The following TMTC3 variants were observed in gnomAD, a reference collection of about 807,000 sequenced individuals.
TMTC3 encodes the protein transmembrane O-mannosyltransferase targeting cadherins 3, also known as protein O-mannosyl-transferase TMTC3.
TMTC3 carries 52 observed loss-of-function variants against 92.2 expected under a neutral mutation model. The ratio of observed to expected loss-of-function variants is 0.56; its 90% CI spans 0.45 to 0.71. The LOEUF is 0.71. Among genes scored for constraint, TMTC3 ranks in the 30% least tolerant of loss-of-function variants. The pLI, the probability that TMTC3 is intolerant of heterozygous loss-of-function variation, is 0.00. For synonymous variants in TMTC3, 339 were observed against 363.3 expected (o/e 0.93, Z 0.76); for missense variants, 896 against 1,057.1 (o/e 0.85, Z 2.11).
chr12:88,194,948 A>G lies in TMTC3; in HGVS notation c.2044A>G (p.Lys682Glu), dbSNP rs2041491604. The change falls in exon 14 of 14, where the codon AAA (lysine) becomes GAA (glutamate). Residue 682 changes from lysine to glutamate, a missense_variant. Lys to Glu is a moderately conservative substitution (Grantham distance 56). Transcript: ENST00000266712. ...TTTGGGAATGCTTGCCATGGATGAC[A>G]AAAAGGACAATGAAGCAGAGATTTG... is the stretch of plus-strand genomic sequence containing the variant. Reference protein sequence around the residue: ...FNLGMLAMDDKKDNEAEIWMK... With the variant: ...FNLGMLAMDDEKDNEAEIWMK... The G allele has an allele frequency of 6.2e-7, 1 of 1,613,828 alleles. No homozygotes were observed. Among genetic ancestry groups the G allele is most frequent in the Non-Finnish European group, 8.5e-7 (1 of 1,179,888 alleles).
intron 10 of TMTC3, among the ~76,000 whole-genome samples, chr12:88,181,481 C>G (rs1296077672): frequency 6.6e-6 from 1 of 151,870 alleles, no homozygotes; most frequent in Admixed American, 6.6e-5. Context: ...AAAATTGATG[C>G]AATTGGGTGG....
intron 10 of TMTC3, among the ~76,000 whole-genome samples, chr12:88,183,950 C>T (rs1310183915): frequency 6.6e-6 from 1 of 152,126 alleles, no homozygotes; most frequent in African/African-American, 2.4e-5. Flanking sequence ...AAGCGGGCAC[C>T]AATGACTTAC....
At chr12:88,189,883 C>G (rs1786595292) in intron 11 of TMTC3, among the ~76,000 whole-genome samples, 1 of 151,854 alleles carries the variant, frequency 6.6e-6, no homozygotes, top group African/African-American at 2.4e-5. Flanking sequence ...AAACCAATAA[C>G]AAATACAATT....
chr12:88,153,709 A>T lies in TMTC3; in HGVS notation c.408+200A>T, dbSNP rs139855073. Among the ~76,000 whole-genome samples, 831 of 152,166 alleles carry T rather than the reference A, an allele frequency of 5.5e-3. 14 individuals carry two copies. The highest frequency in any genetic ancestry group is 0.019 in the African/African-American group (777 of 41,532). On this transcript the variant is annotated intron_variant, in intron 3 of 13. Coordinates refer to ENST00000266712, the MANE Select transcript of TMTC3 (RefSeq NM_181783.4). ...TAACTTCCTACTGTGTAAAATTTTT[A>T]AATTTAACATTTTTGAAACATAAAC...
chr12:88,186,805 T>G (rs1240079077), intron 10 of TMTC3, among the ~76,000 whole-genome samples: 4 of 152,184 alleles, frequency 2.6e-5, no homozygotes, highest in Non-Finnish European at 4.4e-5. Flanking sequence ...GTGGCCTTTT[T>G]GATGCTAAAC....
intron 10 of TMTC3, among the ~76,000 whole-genome samples, chr12:88,182,934 C>G (rs1466321460): frequency 6.6e-6 from 1 of 152,102 alleles, no homozygotes; most frequent in Non-Finnish European, 1.5e-5. Flanking sequence ...TGACTACAGG[C>G]CAATCTTGAG....
chr12:88,183,688 C>G (rs762016166), intron 10 of TMTC3, among the ~76,000 whole-genome samples: 4 of 152,072 alleles, frequency 2.6e-5, no homozygotes, highest in Non-Finnish European at 4.4e-5. Context: ...GACCTGATAT[C>G]CTTGGGCATG....
At position 88,166,357 on chromosome 12, in the gene TMTC3, A is replaced by G. The variant is rs139775413; in HGVS notation, c.825A>G (p.Pro275=). 314 of 1,613,930 alleles carry G rather than the reference A, an allele frequency of 1.9e-4. No homozygotes were observed. The highest frequency in any genetic ancestry group is 2.5e-4 in the Non-Finnish European group (297 of 1,179,910). The change falls in exon 7 of 14, where the codon CCA becomes CCG. Residue 275 remains proline, a synonymous_variant. Transcript: ENST00000266712. ...TRFDNPAAVS[P]TPTRQLTFNY... is the part of the protein sequence containing the mutation. ...TTGATAACCCAGCTGCTGTAAGCCC[A>G]ACTCCTACAAGGCAACTAACTTTTA...
intron 13 of TMTC3, among the ~76,000 whole-genome samples, chr12:88,193,993 G>C (rs2041474507): frequency 6.6e-6 from 1 of 152,040 alleles, no homozygotes; most frequent in Non-Finnish European, 1.5e-5. Flanking sequence ...GGCCAGGGTG[G>C]GGAGGATCAC....
At chr12:88,156,592 T>C (rs1288921894) in intron 4 of TMTC3, among the ~76,000 whole-genome samples, 1 of 152,144 alleles carries the variant, frequency 6.6e-6, no homozygotes, top group Admixed American at 6.5e-5. Flanking sequence ...AGTGCTCTGC[T>C]TTTACCTCTG....
chr12:88,182,276 A>C (rs1347939595), intron 10 of TMTC3, among the ~76,000 whole-genome samples: 1 of 152,180 alleles, frequency 6.6e-6, no homozygotes, highest in Non-Finnish European at 1.5e-5. Context: ...AATTGAACTG[A>C]ATATTGCAGG....
chr12:88,163,549 G>T (rs2041104920), intron 6 of TMTC3, among the ~76,000 whole-genome samples: 1 of 152,082 alleles, frequency 6.6e-6, no homozygotes, highest in African/African-American at 2.4e-5. Context: ...AGCACAATTG[G>T]TTCCTTCTGG....
At chr12:88,160,884 C>CTT in intron 6 of TMTC3, 33 bp downstream of exon 6, 1 of 1,523,890 alleles carries the variant, frequency 6.6e-7, no homozygotes, top group Non-Finnish European at 8.8e-7. Context: ...TTTCTCCATT[C>CTT]TTTTTTTTAA....
chr12:88,194,751 T>C (rs1001119755), intron 13 of TMTC3, 87 bp from the exon 14 acceptor site: 13 of 905,212 alleles, frequency 1.4e-5, no homozygotes, highest in Non-Finnish European at 1.8e-5. Flanking sequence ...GCTGTCTTTT[T>C]GTAATCTAAG....
In TMTC3 at chr12:88,193,502, G is replaced by A. The variant is rs145253207; in HGVS notation, c.1933+672G>A. The stretch of plus-strand genomic sequence containing the variant: ...TTTAGTTATTTCTTAGATACATTTC[G>A]TAAAACTTTTGTAAAATATGAAAGA... On this transcript the variant is annotated intron_variant, in intron 13 of 13. Transcript: ENST00000266712. 2.2e-3 allele frequency among the ~76,000 whole-genome samples: 331 copies of A among 151,996 alleles called. 1 individual carries two copies. The highest frequency in any genetic ancestry group is 7.3e-3 in the African/African-American group (304 of 41,468).
chr12:88,147,988 A>G (rs540976565), intron 1 of TMTC3, among the ~76,000 whole-genome samples: 2 of 152,150 alleles, frequency 1.3e-5, no homozygotes, highest in African/African-American at 4.8e-5. Context: ...CAGAGACCCT[A>G]TGTTTTAAAT....
At position 88,174,721 on chromosome 12, in the gene TMTC3, C is replaced by T; in HGVS notation, c.1314C>T (p.Ala438=). The T allele has an allele frequency of 6.2e-7, 1 of 1,611,772 alleles. No individual in the cohort carries two copies. The highest frequency in any genetic ancestry group is 8.5e-7 in the Non-Finnish European group (1 of 1,178,758). Residue 438 remains alanine (A), a synonymous_variant, in exon 9 of 14, where the codon GCC becomes GCT. Coordinates refer to ENST00000266712, the MANE Select transcript of TMTC3 (RefSeq NM_181783.4). ...CTGAATATACATTGTTTATGTCAGCCTTGAAGGTAAAGTGTTGTTCAGAAT... is the reference window on the plus strand; with the variant it reads ...CTGAATATACATTGTTTATGTCAGCTTTGAAGGTAAAGTGTTGTTCAGAAT... ...WESEYTLFMS[A]LKVNKNNAKL...
chr12:88,166,990 C>T (rs965998554), intron 7 of TMTC3, among the ~76,000 whole-genome samples: 7 of 92,438 alleles, frequency 7.6e-5, no homozygotes, highest in African/African-American at 2.4e-4. Flanking sequence ...ATTATTTGAA[C>T]AGTTTTTTTT....
chr12:88,192,499 A>AG (rs1246004511), intron 12 of TMTC3, 105 bp from the exon 13 acceptor site: 22 of 699,460 alleles, frequency 3.1e-5, no homozygotes, highest in Middle Eastern at 4.0e-4. Flanking sequence ...CTGAGTTAAG[A>AG]GAAAAAAAAG....
Sources: gnomAD v4.1 joint callset for allele counts (sites outside exome capture counted in the v4.1 genomes callset) on GRCh38, gnomAD v4.1.1 for gene constraint, MANE v1.5 for transcripts, NCBI Gene and HGNC (gene_info 2026-07-23, HGNC 2026-07-21) for gene names.